COLGALT1: variants seen among roughly 807,000 people sequenced by gnomAD.
COLGALT1 encodes the protein procollagen galactosyltransferase 1.
In COLGALT1, 43 loss-of-function variants were observed where a neutral mutation model predicts 60.8. The observed-to-expected ratio is 0.71, with a 90% CI of 0.55 to 0.91. The LOEUF (loss-of-function observed/expected upper bound fraction) is 0.91. Among genes scored for constraint, COLGALT1 ranks in the 40% least tolerant of loss-of-function variants. The pLI is 0.00. For missense variants in COLGALT1, 845 were observed against 880.0 expected (o/e 0.96, Z 0.50); for synonymous variants, 369 against 374.2 (o/e 0.99, Z 0.16).
rs745389689 is a variant in COLGALT1 at position 17,580,786 on chromosome 19, C to T, written c.1482C>T (p.Tyr494=). ...VRNLVEADYS[Y]WTLAYVISLQ... ...ACCTGGTGGAGGCCGACTATTCCTA[C>T]TGGACCCTGGCCTACGTGATCTCCC... Residue 494 remains tyrosine, a synonymous_variant, in exon 11 of 12, where the codon TAC becomes TAT. Coordinates refer to ENST00000252599, the MANE Select transcript of COLGALT1 (RefSeq NM_024656.4). 1 of 1,614,118 alleles carries T rather than the reference C, an allele frequency of 6.2e-7. No individual in the cohort carries two copies. Among genetic ancestry groups the T allele is most frequent in the South Asian group, 1.1e-5 (1 of 91,076 alleles).
In COLGALT1 at chr19:17,568,575, G is replaced by A. The variant is rs2076293481; in HGVS notation, c.691G>A (p.Val231Ile). The change falls in exon 5 of 12, where the codon GTT (valine) becomes ATT (isoleucine). Residue 231 changes from valine (V) to isoleucine (I), a missense_variant. Coordinates refer to ENST00000252599, the MANE Select transcript of COLGALT1 (RefSeq NM_024656.4). ...RKRDRRGCFAVPMVHSTFLID... is the reference protein window; with the variant it reads ...RKRDRRGCFAIPMVHSTFLID... Reference sequence around the variant, plus strand: ...GCGAGACCGCCGGGGCTGCTTTGCAGTTCCCATGGTGCACTCGACCTTCCT... The same window carrying A: ...GCGAGACCGCCGGGGCTGCTTTGCAATTCCCATGGTGCACTCGACCTTCCT... 1 of 1,614,220 alleles carries A rather than the reference G, an allele frequency of 6.2e-7. No homozygotes were observed. The highest frequency in any genetic ancestry group is 8.5e-7 in the Non-Finnish European group (1 of 1,180,038).
At chr19:17,567,659 C>T in intron 4 of COLGALT1, 119 bp downstream of exon 4, 4 of 1,212,840 alleles carry the variant, frequency 3.3e-6, no homozygotes, top group Non-Finnish European at 4.6e-6. Flanking sequence ...ATCATGGAAG[C>T]TGGGCACGGT....
intron 4 of COLGALT1, 111 bp from the exon 5 acceptor site, chr19:17,568,398 C>T: frequency 1.1e-6 from 1 of 936,972 alleles, no homozygotes; most frequent in Admixed American, 1.8e-5. Flanking sequence ...CACAGGCGCA[C>T]ACTGCTGTGC....
chr19:17,574,512 TAG>T, intron 6 of COLGALT1, among the ~76,000 whole-genome samples: 1 of 152,182 alleles, frequency 6.6e-6, no homozygotes, highest in Non-Finnish European at 1.5e-5. Flanking sequence ...GTATTTTTAG[TAG>T]AGACGGGGTT....
Position 17,581,728 on chromosome 19 carries a change from G to A in COLGALT1, c.*284G>A. 1 of 483,634 alleles carries A rather than the reference G, an allele frequency of 2.1e-6. No homozygotes were observed. The highest frequency in any genetic ancestry group is 2.7e-5 in the South Asian group (1 of 37,026). The allele number at this position is 483,634 out of a possible 1,614,324, so 30.0% of individuals were successfully genotyped here. A position where few individuals can be genotyped will look rare whatever the true frequency, so the allele number is the denominator to read the frequency against. On this transcript the variant is annotated 3_prime_UTR_variant, in exon 12 of 12. Coordinates refer to ENST00000252599, the MANE Select transcript of COLGALT1 (RefSeq NM_024656.4). ...TTATTAAGCACCTGCTGTATGCAAG[G>A]TTCCCATGTTACGGCAGTGAATGAG...
intron 3 of COLGALT1, among the ~76,000 whole-genome samples, chr19:17,561,940 G>A (rs180966097): frequency 5.2e-4 from 79 of 152,086 alleles, no homozygotes; most frequent in Non-Finnish European, 7.9e-4. Flanking sequence ...GCACAATCTC[G>A]GCTCACTGCA....
Position 17,581,179 on chromosome 19 carries a change from C to G in COLGALT1, c.1604C>G (p.Ser535Cys), listed in dbSNP as rs754493620. The change falls in exon 12 of 12, where the codon TCC becomes TGC. Residue 535 changes from serine to cysteine, a missense_variant and splice_region_variant. Ser to Cys is a moderately radical substitution (Grantham distance 112). Coordinates refer to ENST00000252599, the MANE Select transcript of COLGALT1 (RefSeq NM_024656.4). ...LPVMFDKHPVSEYKAHFSLRN... is the reference protein window; with the variant it reads ...LPVMFDKHPVCEYKAHFSLRN... ...CACTCCCCTCCTCCTCCCCCCAGGT[C>G]CGAGTACAAGGCCCACTTCTCCCTC... 2 of 1,606,196 alleles carry G rather than the reference C, an allele frequency of 1.2e-6. No homozygotes were observed. Among genetic ancestry groups the G allele is most frequent in the East Asian group, 2.2e-5 (1 of 44,826 alleles).
At chr19:17,574,610 G>A (rs1189824357) in intron 6 of COLGALT1, among the ~76,000 whole-genome samples, 1 of 152,100 alleles carries the variant, frequency 6.6e-6, no homozygotes, top group Non-Finnish European at 1.5e-5. Flanking sequence ...GATTACAGGC[G>A]TGTGTCACTG....
chr19:17,577,860 A>G, intron 8 of COLGALT1, 97 bp from the exon 9 acceptor site: 3 of 1,491,692 alleles, frequency 2.0e-6, no homozygotes, highest in South Asian at 1.3e-5. Context: ...GAGGTGGACC[A>G]GCTGCTCAAC....
intron 11 of COLGALT1, 128 bp from the exon 12 acceptor site, chr19:17,581,049 C>T: frequency 7.3e-7 from 1 of 1,373,946 alleles, no homozygotes; most frequent in Non-Finnish European, 1.0e-6. Flanking sequence ...AGATCTGTCT[C>T]CATTTGTATC....
intron 6 of COLGALT1, among the ~76,000 whole-genome samples, chr19:17,575,442 T>C (rs1307740917): frequency 6.6e-6 from 1 of 152,170 alleles, no homozygotes; most frequent in Non-Finnish European, 1.5e-5. Flanking sequence ...AGATGGGGTT[T>C]CACTGTGTTA....
intron 9 of COLGALT1, 38 bp downstream of exon 9, chr19:17,578,127 T>G: frequency 6.5e-7 from 1 of 1,527,340 alleles, no homozygotes. Flanking sequence ...GAGTTATGAC[T>G]CTAGATCTCA....
At chr19:17,565,106 C>G (rs1049572705) in intron 3 of COLGALT1, among the ~76,000 whole-genome samples, 13 of 152,086 alleles carry the variant, frequency 8.5e-5, no homozygotes, top group African/African-American at 3.1e-4. Context: ...TTATGTTGAT[C>G]TCCTCATCCG....
At chr19:17,566,954 A>G (rs1274846075) in intron 3 of COLGALT1, among the ~76,000 whole-genome samples, 2 of 152,140 alleles carry the variant, frequency 1.3e-5, no homozygotes, top group Non-Finnish European at 2.9e-5. Context: ...TCTCTATTAA[A>G]AATACAAAAA....
At chr19:17,561,939 C>T (rs1446820264) in intron 3 of COLGALT1, among the ~76,000 whole-genome samples, 1 of 152,142 alleles carries the variant, frequency 6.6e-6, no homozygotes, top group African/African-American at 2.4e-5. Context: ...GGCACAATCT[C>T]GGCTCACTGC....
At chr19:17,557,175 C>T (rs192911064) in intron 1 of COLGALT1, among the ~76,000 whole-genome samples, 14 of 152,296 alleles carry the variant, frequency 9.2e-5, no homozygotes, top group Non-Finnish European at 1.8e-4. Context: ...TCTGGATAAT[C>T]CAAATACACA....
chr19:17,569,043 A>G (rs1175815765), intron 5 of COLGALT1, among the ~76,000 whole-genome samples: 1 of 152,108 alleles, frequency 6.6e-6, no homozygotes, highest in Non-Finnish European at 1.5e-5. Context: ...AGCCTGGCCA[A>G]CATGGTGAAA....
rs1414597713 is a variant in COLGALT1, at chr19:17,555,665, G to A, written c.-49G>A. 4.3e-6 allele frequency: 5 copies of A among 1,174,870 alleles called. No homozygotes were observed. The highest frequency in any genetic ancestry group is 4.6e-5 in the Admixed American group (1 of 21,796). The allele number at this position is 1,174,870 out of a possible 1,614,324, so 72.8% of individuals were successfully genotyped here. A position where few individuals can be genotyped will look rare whatever the true frequency, so the allele number is the denominator to read the frequency against. ...GGCCCCTATGACCCCTTTAAGGCGC[G>A]GCCAGAGTCCTCCCGCAGAAAAACG... On this transcript the variant is annotated 5_prime_UTR_variant, in exon 1 of 12. Coordinates refer to ENST00000252599, the MANE Select transcript of COLGALT1 (RefSeq NM_024656.4).
intron 5 of COLGALT1, among the ~76,000 whole-genome samples, chr19:17,569,388 AC>A (rs984354579): frequency 1.6e-4 from 24 of 151,186 alleles, no homozygotes; most frequent in African/African-American, 5.8e-4. Context: ...TCCATGATCA[AC>A]CCCAAATGTT....
Sources: gnomAD v4.1 joint callset for allele counts (sites outside exome capture counted in the v4.1 genomes callset) on GRCh38, gnomAD v4.1.1 for gene constraint, MANE v1.5 for transcripts, NCBI Gene and HGNC (gene_info 2026-07-23, HGNC 2026-07-21) for gene names.